The following LRFN2 variants were observed in gnomAD, a reference collection of about 807,000 sequenced individuals.
LRFN2 encodes leucine rich repeat and fibronectin type III domain containing 2.
A neutral mutation model predicts 37.3 loss-of-function variants in LRFN2; 18 were observed. The observed-to-expected ratio is 0.48, with a 90% confidence interval of 0.33 to 0.72. The LOEUF is 0.72. LRFN2 is among the 30% of genes least tolerant of loss of function. LRFN2 has a pLI of 0.02. For missense variants in LRFN2, 1,006 were observed against 1,060.7 expected (o/e 0.95, Z 0.72); for synonymous variants, 556 against 466.6 (o/e 1.19, Z -2.47).
At chr6:40,549,231 C>T (rs946048793) in intron 1 of LRFN2, among the ~76,000 whole-genome samples, 1 of 152,310 alleles carries the variant, frequency 6.6e-6, no homozygotes, top group Non-Finnish European at 1.5e-5. Flanking sequence ...AAATGACAGT[C>T]AAGTGACTTG....
rs557447026 is a variant in LRFN2 at position 40,392,432 on chromosome 6, C to T, written c.1881G>A (p.Leu627=). The change falls in exon 3 of 3, where the codon CTG becomes CTA. Residue 627 remains leucine, a synonymous_variant. Coordinates refer to ENST00000338305, the MANE Select transcript of LRFN2 (RefSeq NM_020737.3). This position sits in a 1 kb window ranked among gnomAD's most constrained non-coding sequence, Gnocchi z 4.7. ...CCAGCCCCGCAGCCTCCCCACTGCC[C>T]AGGGAGCTGGAGGAAGAGGAGTCAC... is the stretch of plus-strand genomic sequence containing the variant. ...RASDSSSSSS[L]GSGEAAGLGR... 1.3e-6 allele frequency: 2 copies of T among 1,567,248 alleles called. No homozygotes were observed. Among genetic ancestry groups the T allele is most frequent in the South Asian group, 1.2e-5 (1 of 86,342 alleles).
intron 1 of LRFN2, among the ~76,000 whole-genome samples, chr6:40,440,756 C>T (rs528117644): frequency 6.6e-6 from 1 of 152,264 alleles, no homozygotes; most frequent in Non-Finnish European, 1.5e-5. Flanking sequence ...TCTACAGGCC[C>T]CTAGGAGGGC....
chr6:40,574,789 G>A (rs997625769), intron 1 of LRFN2, among the ~76,000 whole-genome samples: 4 of 152,096 alleles, frequency 2.6e-5, no homozygotes, highest in South Asian at 2.1e-4. Flanking sequence ...GCAGGGCCAC[G>A]GAAGTGAAGA....
intron 1 of LRFN2, among the ~76,000 whole-genome samples, chr6:40,473,510 A>G (rs995167866): frequency 2.0e-5 from 3 of 152,208 alleles, no homozygotes; most frequent in African/African-American, 4.8e-5. Context: ...CCAGGGTGCT[A>G]TAGATACTAA....
At chr6:40,435,779 C>T (rs1763657253) in intron 1 of LRFN2, among the ~76,000 whole-genome samples, 1 of 152,110 alleles carries the variant, frequency 6.6e-6, no homozygotes, top group African/African-American at 2.4e-5. Flanking sequence ...ACCTTGTGAT[C>T]CGCCCGTCTT....
chr6:40,528,707 C>A (rs1005096283), intron 1 of LRFN2, among the ~76,000 whole-genome samples: 1 of 152,194 alleles, frequency 6.6e-6, no homozygotes, highest in Non-Finnish European at 1.5e-5. Flanking sequence ...TAGGAGTGTA[C>A]TGAATGCTAA....
intron 1 of LRFN2, among the ~76,000 whole-genome samples, chr6:40,491,987 T>A (rs1765105207): frequency 8.6e-6 from 1 of 115,860 alleles, no homozygotes; most frequent in Admixed American, 8.9e-5. Context: ...TTTTGCCGTG[T>A]GACTGTGGGT....
At chr6:40,427,717 C>T (rs1763387899) in intron 2 of LRFN2, among the ~76,000 whole-genome samples, 1 of 152,228 alleles carries the variant, frequency 6.6e-6, no homozygotes, top group East Asian at 1.9e-4. Context: ...GCCTAGCATG[C>T]TAAGCATTAC....
chr6:40,565,850 A>G (rs1450573246), intron 1 of LRFN2, among the ~76,000 whole-genome samples: 1 of 152,006 alleles, frequency 6.6e-6, no homozygotes, highest in East Asian at 1.9e-4. Flanking sequence ...CTAAAACACC[A>G]AAAGCAATGG....
At chr6:40,400,048 C>A (rs562801459) in intron 2 of LRFN2, among the ~76,000 whole-genome samples, 1 of 151,694 alleles carries the variant, frequency 6.6e-6, no homozygotes, top group African/African-American at 2.4e-5. Context: ...CACTGGGTGA[C>A]CTCATCTTTT....
chr6:40,512,867 C>T (rs888419936), intron 1 of LRFN2, among the ~76,000 whole-genome samples: 1 of 152,202 alleles, frequency 6.6e-6, no homozygotes, highest in African/African-American at 2.4e-5. Flanking sequence ...GGGGAAACAG[C>T]CAGCCTGGGA....
intron 1 of LRFN2, among the ~76,000 whole-genome samples, chr6:40,545,251 A>C (rs1766636277): frequency 6.6e-6 from 1 of 152,186 alleles, no homozygotes; most frequent in Non-Finnish European, 1.5e-5. Flanking sequence ...TGGAGAACTG[A>C]GCAGTTATAA....
intron 1 of LRFN2, among the ~76,000 whole-genome samples, chr6:40,554,323 C>T (rs546498668): frequency 2.0e-3 from 311 of 152,274 alleles, no homozygotes; most frequent in Middle Eastern, 0.014. Context: ...TCCTTAGGGG[C>T]TTCTCTCGTT....
At chr6:40,499,952 T>C (rs963937426) in intron 1 of LRFN2, among the ~76,000 whole-genome samples, 6 of 152,250 alleles carry the variant, frequency 3.9e-5, no homozygotes, top group African/African-American at 1.4e-4. Flanking sequence ...GAAAGAAATC[T>C]GCAGTTCGTA....
Position 40,568,684 on chromosome 6 carries a change from T to TTTCCTTCCTTCCTTCCTTCCTTCCTTCC in LRFN2, c.-19+18229_-19+18256dup, listed in dbSNP as rs369194708. Among the ~76,000 whole-genome samples the TTTCCTTCCTTCCTTCCTTCCTTCCTTCC allele has an allele frequency of 9.4e-4, 124 of 132,026 alleles. 1 individual carries two copies. The highest frequency in any genetic ancestry group is 3.3e-3 in the African/African-American group (108 of 33,166). 86.6% of individuals were successfully genotyped at this position (132,026 alleles called of 152,430 possible). ...ACTGGGTTACTAAACGTCTCCCCCA[T>TTTCCTTCCTTCCTTCCTTCCTTCCTTCC]TTCCTTCCTTCCTTCCTTCCTTCCT... On this transcript the variant is annotated intron_variant, in intron 1 of 2. Coordinates refer to ENST00000338305, the MANE Select transcript of LRFN2 (RefSeq NM_020737.3).
intron 1 of LRFN2, among the ~76,000 whole-genome samples, chr6:40,518,539 G>A (rs926229543): frequency 1.5e-4 from 23 of 152,122 alleles, no homozygotes; most frequent in African/African-American, 1.2e-4. Flanking sequence ...GAGTCAGAGC[G>A]GGGTCTTGGT....
chr6:40,525,064 G>A (rs2113905059), intron 1 of LRFN2, among the ~76,000 whole-genome samples: 1 of 152,322 alleles, frequency 6.6e-6, no homozygotes, highest in East Asian at 1.9e-4. Context: ...TACAAAGTGG[G>A]CATAGATGGA....
At chr6:40,564,283 G>T (rs1581796805) in intron 1 of LRFN2, among the ~76,000 whole-genome samples, 1 of 152,160 alleles carries the variant, frequency 6.6e-6, no homozygotes, top group East Asian at 1.9e-4. Flanking sequence ...TCATGACCAA[G>T]AGTTAACAGT....
Position 40,432,797 on chromosome 6 carries a change from T to C in LRFN2, c.317A>G (p.His106Arg). ...FLDLESLRSL[H>R]LDSNRLPSLG... is the part of the protein sequence containing the mutation. ...GCTTGGCAGCCGATTGCTGTCAAGA[T>C]GCAGGGAGCGGAGGCTCTCGAGGTC... The change falls in exon 2 of 3, where the codon CAT becomes CGT. Residue 106 changes from histidine to arginine, a missense_variant. By Grantham distance (29) the His-to-Arg change is conservative (BLOSUM62 0). Transcript: ENST00000338305. 10 of 1,614,204 alleles carry C rather than the reference T, an allele frequency of 6.2e-6. No homozygotes were observed. Among genetic ancestry groups the C allele is most frequent in the East Asian group, 2.2e-5 (1 of 44,882 alleles).
Sources: allele counts gnomAD v4.1 joint callset (sites outside exome capture counted in the v4.1 genomes callset), GRCh38; gene constraint gnomAD v4.1.1; non-coding constraint Gnocchi (gnomAD v3.1); transcripts MANE v1.5; gene names NCBI Gene and HGNC (gene_info 2026-07-23, HGNC 2026-07-21).